UNC5B: variants seen among roughly 807,000 people sequenced by gnomAD.
UNC5B encodes the protein unc-5 netrin receptor B.
In UNC5B, 56 loss-of-function variants were observed where a neutral mutation model predicts 103.7. The observed-to-expected ratio is 0.54, with a 90% CI of 0.44 to 0.67. UNC5B has a LOEUF of 0.67. UNC5B is among the 30% of genes least tolerant of loss of function. The pLI is 0.00. For synonymous variants in UNC5B, 577 were observed against 542.0 expected (o/e 1.06, Z -0.90); for missense variants, 1,194 against 1,284.5 (o/e 0.93, Z 1.08).
chr10:71,222,031 T>C (rs1316035942), intron 1 of UNC5B, among the ~76,000 whole-genome samples: 1 of 152,162 alleles, frequency 6.6e-6, no homozygotes, highest in Non-Finnish European at 1.5e-5. Flanking sequence ...ATGGGCACCA[T>C]GTATTGCGTG....
rs113123543 is a variant in UNC5B, at chr10:71,259,720, G to A, written c.80-20101G>A. 2.0e-3 allele frequency among the ~76,000 whole-genome samples: 310 copies of A among 152,336 alleles called. 1 individual carries two copies. Among genetic ancestry groups the A allele is most frequent in the African/African-American group, 7.0e-3 (289 of 41,576 alleles). On this transcript the variant is annotated intron_variant, in intron 1 of 16. Coordinates refer to ENST00000335350, the MANE Select transcript of UNC5B (RefSeq NM_170744.5). Reference sequence around the variant, plus strand: ...GTGGATTGTCCCATTTTATAGAGGAGGAAATATAGACCCGTGACTTGCCCA... The same window carrying A: ...GTGGATTGTCCCATTTTATAGAGGAAGAAATATAGACCCGTGACTTGCCCA...
At chr10:71,254,276 T>C (rs891101253) in intron 1 of UNC5B, among the ~76,000 whole-genome samples, 3 of 152,270 alleles carry the variant, frequency 2.0e-5, no homozygotes, top group Non-Finnish European at 4.4e-5. Context: ...CTATCAGTTC[T>C]GAAAGGGCTC....
intron 1 of UNC5B, among the ~76,000 whole-genome samples, chr10:71,276,426 G>A (rs1053508698): frequency 6.6e-6 from 1 of 152,184 alleles, no homozygotes; most frequent in African/African-American, 2.4e-5. Context: ...CAGGGCCAAG[G>A]AGAAGTGAGG....
chr10:71,254,086 C>T (rs1301014743), intron 1 of UNC5B, among the ~76,000 whole-genome samples: 1 of 152,166 alleles, frequency 6.6e-6, no homozygotes, highest in African/African-American at 2.4e-5. Context: ...ATCAAGTCAG[C>T]AGTATTGTTG....
chr10:71,291,000 G>T lies in UNC5B; in HGVS notation c.1185G>T (p.Gly395=). The change falls in exon 9 of 17, where the codon GGG becomes GGT. Residue 395 remains glycine (G), a synonymous_variant. Coordinates refer to ENST00000335350, the MANE Select transcript of UNC5B (RefSeq NM_170744.5). ...TCGTGGCAATCCTCATGGCGGTGGG[G>T]GTGGTGGTGTACCGCCGCAACTGCC... ...FVVVAILMAV[G]VVVYRRNCRD... The T allele has an allele frequency of 6.2e-7, 1 of 1,614,074 alleles. No individual in the cohort carries two copies. The highest frequency in any genetic ancestry group is 8.5e-7 in the Non-Finnish European group (1 of 1,180,006).
chr10:71,225,965 C>A (rs1843554870), intron 1 of UNC5B, among the ~76,000 whole-genome samples: 1 of 152,100 alleles, frequency 6.6e-6, no homozygotes, highest in Admixed American at 6.6e-5. Flanking sequence ...GAGGACCACT[C>A]AAGCTTCTAG....
intron 1 of UNC5B, among the ~76,000 whole-genome samples, chr10:71,265,722 C>T (rs982403847): frequency 6.6e-6 from 1 of 152,164 alleles, no homozygotes; most frequent in African/African-American, 2.4e-5. Flanking sequence ...CTGGGCCAGC[C>T]GGGCAGCGAG....
At chr10:71,272,201 C>T (rs1248824644) in intron 1 of UNC5B, among the ~76,000 whole-genome samples, 1 of 152,186 alleles carries the variant, frequency 6.6e-6, no homozygotes, top group East Asian at 1.9e-4. Context: ...GGAGAATTAG[C>T]CGGTGTCCAG....
intron 1 of UNC5B, among the ~76,000 whole-genome samples, chr10:71,244,765 A>G (rs61852798): frequency 0.3 from 45,061 of 152,094 alleles, 7,342 homozygotes; most frequent in Non-Finnish European, 0.38. Context: ...TGCAGGTCCT[A>G]GGGACACCCT....
At chr10:71,236,793 C>G (rs904006493) in intron 1 of UNC5B, among the ~76,000 whole-genome samples, 6 of 152,202 alleles carry the variant, frequency 3.9e-5, no homozygotes, top group Non-Finnish European at 7.3e-5. Flanking sequence ...CCTCAAGAGG[C>G]CAGAGGGACC....
rs145512297 is a variant in UNC5B, at chr10:71,293,729, G to C, written c.1971G>C (p.Leu657=). ...EEVVTLDEET[L]NTPCYCQLEP... ...TGGTGACCCTGGATGAGGAGACCCT[G>C]AACACACCCTGCTACTGCCAGCTGG... Residue 657 remains leucine (L), a synonymous_variant, in exon 13 of 17, where the codon CTG becomes CTC. Transcript: ENST00000335350. 9 of 1,590,794 alleles carry C rather than the reference G, an allele frequency of 5.7e-6. No homozygotes were observed. The highest frequency in any genetic ancestry group is 5.3e-5 in the Admixed American group (3 of 56,214).
chr10:71,239,411 G>A (rs1314489057), intron 1 of UNC5B, among the ~76,000 whole-genome samples: 4 of 151,942 alleles, frequency 2.6e-5, no homozygotes, highest in African/African-American at 4.8e-5. Context: ...GGTGGCCATC[G>A]AGTTCGGGTG....
rs369676330 is a variant in UNC5B at position 71,293,487 on chromosome 10, A to G, written c.1855A>G (p.Ile619Val). 6.2e-6 allele frequency: 10 copies of G among 1,614,072 alleles called. No individual in the cohort carries two copies. Among genetic ancestry groups the G allele is most frequent in the African/African-American group, 1.3e-5 (1 of 75,024 alleles). ...PTGLLLCRPV[I>V]LTMPHCAEVS... The stretch of plus-strand genomic sequence containing the variant: ...AGGCCTCCTGCTGTGCCGCCCCGTC[A>G]TCCTCACCATGCCCCACTGTGCCGA... Residue 619 changes from isoleucine (I) to valine (V), a missense_variant, in exon 12 of 17, where the codon ATC (isoleucine) becomes GTC (valine). Coordinates refer to ENST00000335350, the MANE Select transcript of UNC5B (RefSeq NM_170744.5).
At chr10:71,289,921 TC>T (rs1403388607) in intron 8 of UNC5B, among the ~76,000 whole-genome samples, 1 of 152,152 alleles carries the variant, frequency 6.6e-6, no homozygotes, top group Non-Finnish European at 1.5e-5. Flanking sequence ...TGTGGAGGAC[TC>T]CAGGCAGAGG....
chr10:71,296,504 C>T (rs1845416406), intron 14 of UNC5B, 74 bp from the exon 15 acceptor site: 1 of 1,548,972 alleles, frequency 6.5e-7, no homozygotes, highest in East Asian at 2.3e-5. Context: ...TCCCAACCCT[C>T]CCTGAGCCTC....
At position 71,291,598 on chromosome 10, in the gene UNC5B, C is replaced by T. The variant is rs1845260604; in HGVS notation, c.1461C>T (p.Ser487=). The part of the protein sequence containing the change: ...LPSLKVKVYS[S]STTGSGPGLA... ...GCCTTAAGGTCAAGGTCTACAGCTC[C>T]AGCACCACGGGCTCTGGGCCAGGCC... is the stretch of plus-strand genomic sequence containing the variant. Residue 487 remains serine (S), a synonymous_variant, in exon 10 of 17, where the codon TCC becomes TCT. Coordinates refer to ENST00000335350, the MANE Select transcript of UNC5B (RefSeq NM_170744.5). The T allele has an allele frequency of 2.5e-6, 4 of 1,614,058 alleles. No homozygotes were observed. The highest frequency in any genetic ancestry group is 1.3e-5 in the African/African-American group (1 of 74,944).
At chr10:71,298,482 A>G (rs1845501687) in intron 16 of UNC5B, among the ~76,000 whole-genome samples, 1 of 152,140 alleles carries the variant, frequency 6.6e-6, no homozygotes, top group South Asian at 2.1e-4. Flanking sequence ...ACTGACCAAG[A>G]TACACTTTGG....
chr10:71,274,576 A>G (rs1016418332), intron 1 of UNC5B, among the ~76,000 whole-genome samples: 4 of 152,112 alleles, frequency 2.6e-5, no homozygotes, highest in African/African-American at 7.2e-5. Context: ...TGGCCCTTTA[A>G]GTAACTTCTA....
At chr10:71,248,863 TCTCTCACACACACA>T (rs1276875999) in intron 1 of UNC5B, among the ~76,000 whole-genome samples, 37 of 30,760 alleles carry the variant, frequency 1.2e-3, no homozygotes, top group African/African-American at 4.1e-3. Context: ...TCTCTCTCTC[TCTCTCACACACACA>T]CACACACACA....
Sources: gnomAD v4.1 joint callset for allele counts (sites outside exome capture counted in the v4.1 genomes callset) on GRCh38, gnomAD v4.1.1 for gene constraint, MANE v1.5 for transcripts, NCBI Gene and HGNC (gene_info 2026-07-23, HGNC 2026-07-21) for gene names.